The following SUGCT variants were observed in gnomAD, a reference collection of about 807,000 sequenced individuals.
SUGCT encodes the protein succinyl-CoA:glutarate CoA-transferase.
Under a neutral mutation model 55.0 loss-of-function variants are expected in SUGCT, and 41 were observed. That is an observed-to-expected ratio of 0.74 (90% CI 0.58 to 0.97). SUGCT has a LOEUF of 0.97. Ranked by LOEUF, SUGCT falls within the 50% of genes least tolerant of loss-of-function variation. The pLI, the probability that SUGCT is intolerant of heterozygous loss-of-function variation, is 0.00. For synonymous variants in SUGCT, 187 were observed against 200.4 expected (o/e 0.93, Z 0.56); for missense variants, 568 against 547.8 (o/e 1.04, Z -0.37).
At chr7:40,893,300 G>A in the SUGCT span, among the ~76,000 whole-genome samples, 1 of 152,130 alleles carries the variant, frequency 6.6e-6, no homozygotes, top group Non-Finnish European at 1.5e-5. Context: ...CAGTGGATTT[G>A]AACAATACTG....
chr7:40,270,147 A>T (rs1791910464), intron 7 of SUGCT, among the ~76,000 whole-genome samples: 2 of 151,846 alleles, frequency 1.3e-5, no homozygotes, highest in African/African-American at 4.8e-5. Flanking sequence ...AAAAAAAAAA[A>T]AAAAAAAAGA....
intron 12 of SUGCT, among the ~76,000 whole-genome samples, chr7:40,639,764 C>T (rs1429648775): frequency 6.6e-6 from 1 of 151,812 alleles, no homozygotes; most frequent in African/African-American, 2.4e-5. Flanking sequence ...CCGCCCACCT[C>T]GGCCTCCCAA....
intron 1 of SUGCT, among the ~76,000 whole-genome samples, chr7:40,166,893 A>G (rs1255049953): frequency 2.6e-5 from 4 of 152,106 alleles, no homozygotes; most frequent in Non-Finnish European, 5.9e-5. Context: ...CCTCAAAAAA[A>G]AAAAAAAAAA....
the SUGCT span, among the ~76,000 whole-genome samples, chr7:40,893,661 A>G: frequency 6.6e-6 from 1 of 152,120 alleles, no homozygotes; most frequent in Admixed American, 6.5e-5. Context: ...ATCAGTAAAA[A>G]AACCTGTTTT....
chr7:40,304,609 C>T (rs1794742483), intron 8 of SUGCT, among the ~76,000 whole-genome samples: 1 of 150,990 alleles, frequency 6.6e-6, no homozygotes, highest in Admixed American at 6.6e-5. Context: ...CCTGCAAGTC[C>T]CCAAAGTCCA....
the SUGCT span, among the ~76,000 whole-genome samples, chr7:40,902,984 G>A: frequency 6.6e-6 from 1 of 151,932 alleles, no homozygotes; most frequent in Non-Finnish European, 1.5e-5. Flanking sequence ...CCCAAGTTCA[G>A]ATCTCCTGAC....
chr7:41,018,594 G>T, the SUGCT span, among the ~76,000 whole-genome samples: 40 of 152,224 alleles, frequency 2.6e-4, no homozygotes, highest in South Asian at 7.1e-3. Flanking sequence ...GTCTTTCAGA[G>T]ATTGATAGTA....
At chr7:40,732,012 G>A (rs555631179) in intron 12 of SUGCT, among the ~76,000 whole-genome samples, 1 of 152,136 alleles carries the variant, frequency 6.6e-6, no homozygotes, top group South Asian at 2.1e-4. Flanking sequence ...ATATATCTTG[G>A]GAGCTAGGAT....
At chr7:40,676,588 C>T (rs371010873) in intron 12 of SUGCT, among the ~76,000 whole-genome samples, 2 of 151,026 alleles carry the variant, frequency 1.3e-5, no homozygotes, top group Non-Finnish European at 3.0e-5. Flanking sequence ...CTGCAACTTC[C>T]GCCTCCCGGG....
At chr7:40,471,484 A>G (rs1414344498) in intron 11 of SUGCT, among the ~76,000 whole-genome samples, 2 of 152,126 alleles carry the variant, frequency 1.3e-5, no homozygotes, top group Non-Finnish European at 2.9e-5. Flanking sequence ...CATGGTTAAC[A>G]GCAGCAATGA....
chr7:40,194,067 T>A (rs1231724713), intron 5 of SUGCT, among the ~76,000 whole-genome samples: 1 of 152,150 alleles, frequency 6.6e-6, no homozygotes, highest in African/African-American at 2.4e-5. Context: ...TTCCTGACAG[T>A]TCCTGGTTTA....
chr7:40,543,422 G>A (rs1401273686), intron 12 of SUGCT, among the ~76,000 whole-genome samples: 2 of 152,154 alleles, frequency 1.3e-5, no homozygotes, highest in African/African-American at 4.8e-5. Flanking sequence ...AAAAAATGAA[G>A]GCTGCAACAC....
chr7:40,429,725 G>A (rs1426973061), intron 9 of SUGCT, among the ~76,000 whole-genome samples: 6 of 152,118 alleles, frequency 3.9e-5, no homozygotes, highest in Non-Finnish European at 7.4e-5. Flanking sequence ...GCCTCTCCTA[G>A]CCCACTGACT....
chr7:40,416,131 T>C (rs1786987474), intron 9 of SUGCT, among the ~76,000 whole-genome samples: 1 of 152,014 alleles, frequency 6.6e-6, no homozygotes, highest in Non-Finnish European at 1.5e-5. Context: ...AATATTATTT[T>C]GTATTTAACA....
chr7:40,615,301 A>ATT (rs113636385), intron 12 of SUGCT, among the ~76,000 whole-genome samples: 5 of 151,830 alleles, frequency 3.3e-5, no homozygotes, highest in African/African-American at 9.7e-5. Context: ...TTAACAAGCA[A>ATT]TTTTTTTAAC....
chr7:40,475,219 T>C (rs933347086), intron 11 of SUGCT, among the ~76,000 whole-genome samples: 1 of 152,230 alleles, frequency 6.6e-6, no homozygotes, highest in African/African-American at 2.4e-5. Flanking sequence ...CTGTCTCTGC[T>C]AGCTTCTTGT....
chr7:40,588,651 A>G (rs1797541226), intron 12 of SUGCT, among the ~76,000 whole-genome samples: 1 of 152,204 alleles, frequency 6.6e-6, no homozygotes, highest in South Asian at 2.1e-4. Flanking sequence ...TGCTTTAAGC[A>G]TTTCTCTAGG....
chr7:40,398,749 A>G (rs1372292053), intron 9 of SUGCT, among the ~76,000 whole-genome samples: 1 of 152,162 alleles, frequency 6.6e-6, no homozygotes, highest in Admixed American at 6.5e-5. Flanking sequence ...AATGAGAGTG[A>G]GAAAGATATA....
chr7:40,485,864 A>G lies in SUGCT; in HGVS notation c.987-10420A>G, dbSNP rs192291105. On this transcript the variant is annotated intron_variant, in intron 11 of 13. Coordinates refer to ENST00000335693, the MANE Select transcript of SUGCT (RefSeq NM_001193313.2). ...TTATTGACATACATTAGGTTGAACC[A>G]TCTTTGTATCCCTGGGATAATCGTT... 2.6e-5 allele frequency among the ~76,000 whole-genome samples: 4 copies of G among 152,310 alleles called. No homozygotes were observed. In the East Asian group the frequency reaches 7.7e-4, roughly 29 times the overall value.
Sources: allele counts gnomAD v4.1 joint callset (sites outside exome capture counted in the v4.1 genomes callset), GRCh38; gene constraint gnomAD v4.1.1; transcripts MANE v1.5; gene names NCBI Gene and HGNC (gene_info 2026-07-23, HGNC 2026-07-21).